Variants in C6orf89 observed in about 807,000 individuals in gnomAD.
C6orf89 encodes the protein bombesin receptor-activated protein C6orf89.
In C6orf89, 29 loss-of-function variants were observed where a neutral mutation model predicts 40.7. The observed-to-expected ratio is 0.71, with a 90% CI of 0.53 to 0.97. C6orf89 has a LOEUF of 0.97. C6orf89 is among the 50% of genes least tolerant of loss of function. The pLI is 0.00. For missense variants in C6orf89, 392 were observed against 429.1 expected (o/e 0.91, Z 0.76); for synonymous variants, 165 against 152.2 (o/e 1.08, Z -0.62).
chr6:36,876,724 CAAA>C (rs71540176), intron 1 of C6orf89, among the ~76,000 whole-genome samples: 21 of 92,180 alleles, frequency 2.3e-4, no homozygotes, highest in Admixed American at 6.8e-4. Flanking sequence ...AACTCCATCT[CAAA>C]AAAAAAAAAA....
At chr6:36,917,940 C>T (rs768406461) in intron 7 of C6orf89, among the ~76,000 whole-genome samples, 1 of 152,208 alleles carries the variant, frequency 6.6e-6, no homozygotes, top group South Asian at 2.1e-4. Context: ...CTGTGGTTCT[C>T]GAGGATGTTT....
In C6orf89 at chr6:36,927,830, CCCTGT is replaced by C. The variant is rs1561884058; in HGVS notation, c.*4393_*4397del. On this transcript the variant is annotated 3_prime_UTR_variant, in exon 9 of 9. Coordinates refer to ENST00000480824, the MANE Select transcript of C6orf89 (RefSeq NM_001286635.2). ...TTTGTGTCACCAGCAGCAGGCATTT[CCCTGT>C]CCTCCCCACCCCCAGTCTCCACATC... 1.3e-5 allele frequency: 2 copies of C among 152,384 alleles called. No individual in the cohort carries two copies. The highest frequency in any genetic ancestry group is 4.8e-5 in the African/African-American group (2 of 41,454). The allele number at this position is 152,384 out of a possible 1,614,324, so 9.4% of individuals were successfully genotyped here. A position where few individuals can be genotyped will look rare whatever the true frequency, so the allele number is the denominator to read the frequency against.
At chr6:36,895,219 GA>G (rs1437244750) in intron 2 of C6orf89, among the ~76,000 whole-genome samples, 1 of 152,130 alleles carries the variant, frequency 6.6e-6, no homozygotes, top group East Asian at 1.9e-4. Context: ...AAAAGTTTGG[GA>G]AATATGAAAG....
At chr6:36,893,190 T>C (rs11963261) in intron 1 of C6orf89, among the ~76,000 whole-genome samples, 31,761 of 151,636 alleles carry the variant, frequency 0.21, 3,360 homozygotes, top group East Asian at 0.29. Context: ...CGCCTCGGCC[T>C]CCCAAAGTGC....
Position 36,928,920 on chromosome 6 carries a change from T to C in C6orf89, c.*5479T>C, listed in dbSNP as rs1431693677. ...GTATGTAAATTAAAGTTTATTGTAATGAAGGTTTTTACTTTTTGCAATTAA... is the reference window on the plus strand; with the variant it reads ...GTATGTAAATTAAAGTTTATTGTAACGAAGGTTTTTACTTTTTGCAATTAA... On this transcript the variant is annotated 3_prime_UTR_variant, in exon 9 of 9. Coordinates refer to ENST00000480824, the MANE Select transcript of C6orf89 (RefSeq NM_001286635.2). 1 of 152,260 alleles carries C rather than the reference T, an allele frequency of 6.6e-6. No homozygotes were observed. The highest frequency in any genetic ancestry group is 1.9e-4 in the East Asian group (1 of 5,206). 9.4% of individuals were successfully genotyped at this position (152,260 alleles called of 1,614,324 possible).
intron 1 of C6orf89, among the ~76,000 whole-genome samples, chr6:36,872,535 G>A (rs191795072): frequency 1.3e-5 from 2 of 152,164 alleles, no homozygotes; most frequent in East Asian, 3.9e-4. Context: ...AAAAGATAAG[G>A]AAGAGGCAAG....
intron 3 of C6orf89, among the ~76,000 whole-genome samples, chr6:36,900,099 C>T (rs1011579882): frequency 6.6e-6 from 1 of 151,996 alleles, no homozygotes; most frequent in Non-Finnish European, 1.5e-5. Context: ...GTTGGTCAGG[C>T]TGGTCTTGAA....
intron 1 of C6orf89, chr6:36,874,626 C>A (rs909383547): frequency 2.5e-5 from 39 of 1,530,374 alleles, no homozygotes; most frequent in Non-Finnish European, 3.3e-5. Context: ...GGAGGCCGGC[C>A]TCCCGGAGGA....
At chr6:36,914,523 G>A in intron 5 of C6orf89, 31 bp from the exon 6 acceptor site, 1 of 1,613,202 alleles carries the variant, frequency 6.2e-7, no homozygotes, top group Non-Finnish European at 8.5e-7. Context: ...GTAACTCTGT[G>A]TTGTTTTGTT....
upstream of C6orf89, among the ~76,000 whole-genome samples, chr6:36,882,727 C>CTTTTTTTTTTT (rs1561854588): frequency 1.7e-5 from 1 of 57,456 alleles, no homozygotes; most frequent in East Asian, 4.1e-4. Flanking sequence ...TTTTTTTTTT[C>CTTTTTTTTTTT]TTTTTTCTTT....
At chr6:36,888,693 A>C (rs1228754886) in intron 1 of C6orf89, among the ~76,000 whole-genome samples, 2 of 152,130 alleles carry the variant, frequency 1.3e-5, no homozygotes, top group African/African-American at 4.8e-5. Flanking sequence ...GGAGAACTGG[A>C]AGTATAGAGA....
At chr6:36,885,394 G>A (rs1393268823), upstream of C6orf89, among the ~76,000 whole-genome samples, 1 of 152,206 alleles carries the variant, frequency 6.6e-6, no homozygotes, top group Non-Finnish European at 1.5e-5. Flanking sequence ...CTGGGAGTCT[G>A]TGAATCTGCT....
chr6:36,913,313 C>T (rs1003527466), intron 4 of C6orf89, among the ~76,000 whole-genome samples: 1 of 152,146 alleles, frequency 6.6e-6, no homozygotes, highest in East Asian at 1.9e-4. Flanking sequence ...CTATGGCTGG[C>T]GGCCCCACCC....
At chr6:36,877,116 G>T (rs1044273891) in intron 1 of C6orf89, among the ~76,000 whole-genome samples, 6 of 152,158 alleles carry the variant, frequency 3.9e-5, no homozygotes, top group African/African-American at 9.7e-5. Flanking sequence ...CATGTTGTAT[G>T]TAGTGGCCAT....
intron 1 of C6orf89, 115 bp from the exon 2 acceptor site, chr6:36,894,389 C>T (rs967775552): frequency 4.2e-6 from 1 of 238,084 alleles, no homozygotes; most frequent in African/African-American, 2.3e-5. Flanking sequence ...TTCCTACTTG[C>T]TTTCATAGAA....
chr6:36,912,416 G>A (rs1762159670), intron 4 of C6orf89, among the ~76,000 whole-genome samples: 1 of 152,188 alleles, frequency 6.6e-6, no homozygotes, highest in African/African-American at 2.4e-5. Flanking sequence ...TTTGGAAACC[G>A]AAATGCTATA....
chr6:36,912,868 T>C (rs1762177471), intron 4 of C6orf89, among the ~76,000 whole-genome samples: 1 of 152,224 alleles, frequency 6.6e-6, no homozygotes, highest in Non-Finnish European at 1.5e-5. Context: ...ATGTAGTGCT[T>C]ACTGCCAACC....
intron 4 of C6orf89, among the ~76,000 whole-genome samples, chr6:36,906,223 G>A (rs2150700180): frequency 6.6e-6 from 1 of 152,322 alleles, no homozygotes; most frequent in African/African-American, 2.4e-5. Context: ...AATCTAGTAA[G>A]ACTTAGAGAG....
intron 8 of C6orf89, among the ~76,000 whole-genome samples, chr6:36,920,766 G>A (rs1762483687): frequency 6.6e-6 from 1 of 152,176 alleles, no homozygotes; most frequent in Non-Finnish European, 1.5e-5. Flanking sequence ...TTCCTGTAAT[G>A]GAGTGACTCT....
Sources: gnomAD v4.1 joint callset for allele counts (sites outside exome capture counted in the v4.1 genomes callset) on GRCh38, gnomAD v4.1.1 for gene constraint, MANE v1.5 for transcripts, NCBI Gene and HGNC (gene_info 2026-07-23, HGNC 2026-07-21) for gene names.